The following PKM variants were observed in gnomAD, a reference collection of about 807,000 sequenced individuals.
PKM encodes pyruvate kinase M1/2.
In PKM, 18 loss-of-function variants were observed where a neutral mutation model predicts 49.8. The ratio of observed to expected loss-of-function variants is 0.36; its 90% CI spans 0.25 to 0.54. The LOEUF (loss-of-function observed/expected upper bound fraction) is 0.54. PKM is among the 20% of genes least tolerant of loss of function. The pLI, the probability that PKM is intolerant of heterozygous loss-of-function variation, is 0.89. For synonymous variants in PKM, 239 were observed against 261.8 expected (o/e 0.91, Z 0.84); for missense variants, 508 against 713.8 (o/e 0.71, Z 3.28).
rs759875829 is a variant in PKM at position 72,217,421 on chromosome 15, A to G, written c.234T>C (p.His78=). 2.5e-6 allele frequency: 4 copies of G among 1,606,540 alleles called. No individual in the cohort carries two copies. Among genetic ancestry groups the G allele is most frequent in the Non-Finnish European group, 3.4e-6 (4 of 1,173,308 alleles). ...GMNVARLNFS[H]GTHEYHAETI... ...AGCCACAGCTCACCTCATGAGTTCC[A>G]TGAGAGAAGTTCAGACGAGCCACAT... Residue 78 remains histidine (H), a synonymous_variant, in exon 3 of 11, where the codon CAT becomes CAC. Coordinates refer to ENST00000335181, the MANE Select transcript of PKM (RefSeq NM_002654.6).
intron 6 of PKM, 109 bp from the exon 7 acceptor site, chr15:72,207,386 G>A: frequency 1.0e-6 from 1 of 966,146 alleles, no homozygotes; most frequent in Non-Finnish European, 1.7e-6. Flanking sequence ...CCTTGTACCA[G>A]GACAGACATC....
At chr15:72,227,669 C>T (rs2082710198) in intron 1 of PKM, among the ~76,000 whole-genome samples, 1 of 135,060 alleles carries the variant, frequency 7.4e-6, no homozygotes, top group African/African-American at 2.6e-5. Context: ...TTGCTTGAAC[C>T]CAGGAGGTGG....
intron 1 of PKM, among the ~76,000 whole-genome samples, chr15:72,221,873 C>A (rs2082534141): frequency 7.1e-6 from 1 of 140,838 alleles, no homozygotes. Context: ...TACTGCAGAA[C>A]AGTTTCAACG....
chr15:72,213,706 C>A (rs1326097924), intron 3 of PKM, among the ~76,000 whole-genome samples: 1 of 152,222 alleles, frequency 6.6e-6, no homozygotes, highest in Non-Finnish European at 1.5e-5. Flanking sequence ...GCTGGGATTG[C>A]AGGTGTGAGC....
intron 1 of PKM, among the ~76,000 whole-genome samples, chr15:72,227,298 A>G (rs1375001704): frequency 2.0e-5 from 3 of 152,264 alleles, no homozygotes; most frequent in Non-Finnish European, 4.4e-5. Flanking sequence ...CACAGGGTCA[A>G]CGCATTCTTG....
chr15:72,228,376 CTTTT>C (rs10656443), intron 1 of PKM, among the ~76,000 whole-genome samples: 3 of 118,846 alleles, frequency 2.5e-5, no homozygotes, highest in Admixed American at 9.3e-5. Context: ...TTAGTTGTGG[CTTTT>C]TTTTTTTTTT....
chr15:72,216,830 T>C (rs2082388359), intron 3 of PKM, among the ~76,000 whole-genome samples: 1 of 151,824 alleles, frequency 6.6e-6, no homozygotes, highest in African/African-American at 2.4e-5. Context: ...TGGGGAAGAG[T>C]GCTAACTGGT....
chr15:72,224,432 C>T (rs891010796), intron 1 of PKM, among the ~76,000 whole-genome samples: 3 of 152,240 alleles, frequency 2.0e-5, no homozygotes, highest in South Asian at 4.1e-4. Flanking sequence ...AAAGGCAGTG[C>T]CAACTCTCCA....
chr15:72,215,126 G>A (rs1406313287), intron 3 of PKM, among the ~76,000 whole-genome samples: 1 of 151,902 alleles, frequency 6.6e-6, no homozygotes, highest in African/African-American at 2.4e-5. Flanking sequence ...GCTTGAACCT[G>A]GGAGGCAGAG....
At chr15:72,228,522 G>A (rs1355955694) in intron 1 of PKM, 3 of 591,006 alleles carry the variant, frequency 5.1e-6, no homozygotes, top group Non-Finnish European at 8.5e-6. Flanking sequence ...CTCACTGAAA[G>A]GGGAGAAGGG....
chr15:72,225,085 C>A (rs2082630837), intron 1 of PKM, among the ~76,000 whole-genome samples: 1 of 135,040 alleles, frequency 7.4e-6, no homozygotes, highest in Admixed American at 7.5e-5. Flanking sequence ...CCAGGCCCGG[C>A]TAATTTTTTT....
At chr15:72,221,771 G>T (rs181587639) in intron 1 of PKM, among the ~76,000 whole-genome samples, 201 of 152,012 alleles carry the variant, frequency 1.3e-3, no homozygotes, top group African/African-American at 4.7e-3. Context: ...TTTAAAAGGT[G>T]GCAGAGAAAA....
chr15:72,221,822 A>T (rs1449587625), intron 1 of PKM, among the ~76,000 whole-genome samples: 1 of 152,118 alleles, frequency 6.6e-6, no homozygotes, highest in Non-Finnish European at 1.5e-5. Flanking sequence ...TGTGATTAAA[A>T]AAAAAAAACG....
intron 8 of PKM, among the ~76,000 whole-genome samples, chr15:72,206,091 A>C (rs1256426671): frequency 6.6e-6 from 1 of 152,216 alleles, no homozygotes; most frequent in East Asian, 1.9e-4. Context: ...CCCTGCCACC[A>C]GTCACTCAAC....
chr15:72,210,568 G>A, intron 3 of PKM, 90 bp from the exon 4 acceptor site: 1 of 1,446,242 alleles, frequency 6.9e-7, no homozygotes. Context: ...TGATCACTCA[G>A]GAAAGGCCCG....
rs2081905995 is a variant in PKM, at chr15:72,200,170, G to A, written c.1489+304C>T. Among the ~76,000 whole-genome samples, 1 of 152,026 alleles carries A rather than the reference G, an allele frequency of 6.6e-6. No homozygotes were observed. The highest frequency in any genetic ancestry group is 2.4e-5 in the African/African-American group (1 of 41,398). Reference sequence around the variant, plus strand: ...AAAAACAAAAAAAACTCTCAGTAATGAGCAGATGCCAAAAAATGGACAATT... The same window carrying A: ...AAAAACAAAAAAAACTCTCAGTAATAAGCAGATGCCAAAAAATGGACAATT... On this transcript the variant is annotated intron_variant, in intron 10 of 10. Transcript: ENST00000335181. This position sits in a 1 kb window ranked among gnomAD's most constrained non-coding sequence, Gnocchi z 4.6.
In PKM at chr15:72,218,096, AT is replaced by A. The variant is rs1382913554; in HGVS notation, c.155-597del. ...CATTTTTGTGGTGAGAACATTTGAA[AT>A]TTACTCTTAGCGATGTTTTTTTCTT... On this transcript the variant is annotated intron_variant, in intron 2 of 10. Coordinates refer to ENST00000335181, the MANE Select transcript of PKM (RefSeq NM_002654.6). Among the ~76,000 whole-genome samples, 3 of 151,986 alleles carry A rather than the reference AT, an allele frequency of 2.0e-5. No individual in the cohort carries two copies. The East Asian group carries it at 5.8e-4, about 29-fold the overall frequency.
intron 8 of PKM, chr15:72,204,526 G>A (rs1232431725): frequency 6.6e-6 from 1 of 152,246 alleles, no homozygotes; most frequent in African/African-American, 2.4e-5. Context: ...TGTTGCAGGA[G>A]AGAAGACTGG....
At chr15:72,228,824 A>C (rs566250340) in intron 1 of PKM, 6 of 326,800 alleles carry the variant, frequency 1.8e-5, no homozygotes, top group African/African-American at 1.3e-4. Context: ...AAGACGGCCA[A>C]CTGGGGGCTA....
Sources: gnomAD v4.1 joint callset for allele counts (sites outside exome capture counted in the v4.1 genomes callset) on GRCh38, gnomAD v4.1.1 for gene constraint, Gnocchi (gnomAD v3.1) non-coding constraint, MANE v1.5 for transcripts, NCBI Gene and HGNC (gene_info 2026-07-23, HGNC 2026-07-21) for gene names.